The following RIN2 variants were observed in gnomAD, a reference collection of about 807,000 sequenced individuals.
RIN2 encodes the protein RAB5 interacting protein 2.
A neutral mutation model predicts 78.0 loss-of-function variants in RIN2; 36 were observed. The observed-to-expected ratio is 0.46, with a 90% CI of 0.35 to 0.61. The LOEUF (loss-of-function observed/expected upper bound fraction) is 0.61, where lower values mean the gene tolerates loss of function less well. Ranked by LOEUF, RIN2 falls within the 20% of genes least tolerant of loss-of-function variation. RIN2 has a pLI of 0.00. For missense variants in RIN2, 1,087 were observed against 1,159.7 expected (o/e 0.94, Z 0.91); for synonymous variants, 466 against 466.8 (o/e 1.00, Z 0.02).
intron 2 of RIN2, among the ~76,000 whole-genome samples, chr20:19,830,944 C>T (rs2036232931): frequency 1.3e-5 from 2 of 152,248 alleles, no homozygotes; most frequent in Non-Finnish European, 2.9e-5. Context: ...GAATCCTGAA[C>T]CTCATCTCCA....
At chr20:19,900,945 C>CAAAAAAA (rs869239642) in intron 3 of RIN2, among the ~76,000 whole-genome samples, 3 of 29,594 alleles carry the variant, frequency 1.0e-4, no homozygotes, top group Non-Finnish European at 1.7e-4. Context: ...AGCTCTGTCT[C>CAAAAAAA]AAAAAAAAAA....
At chr20:19,766,805 G>A (rs1006712199) in intron 1 of RIN2, among the ~76,000 whole-genome samples, 1 of 151,826 alleles carries the variant, frequency 6.6e-6, no homozygotes, top group African/African-American at 2.4e-5. Context: ...CCTGCTACTC[G>A]GGAGATTGAG....
chr20:20,000,552 C>T, intron 12 of RIN2, 61 bp from the exon 13 acceptor site: 2 of 1,343,382 alleles, frequency 1.5e-6, no homozygotes, highest in Non-Finnish European at 1.0e-6. Flanking sequence ...CCTGGTCCCC[C>T]ATCATGCTCA....
intron 3 of RIN2, among the ~76,000 whole-genome samples, chr20:19,931,387 C>T (rs2040433531): frequency 6.6e-6 from 1 of 152,132 alleles, no homozygotes. Flanking sequence ...GCAGTTCTCC[C>T]ACCTTGGCCT....
chr20:19,912,481 T>C (rs1285529604), intron 3 of RIN2, among the ~76,000 whole-genome samples: 11 of 142,870 alleles, frequency 7.7e-5, no homozygotes, highest in African/African-American at 2.1e-4. Context: ...TTTTCTTTTT[T>C]TTTTTTTTTT....
chr20:19,826,093 G>A (rs2036081110), intron 2 of RIN2, among the ~76,000 whole-genome samples: 1 of 143,664 alleles, frequency 7.0e-6, no homozygotes, highest in Non-Finnish European at 1.5e-5. Flanking sequence ...GCATTATTAT[G>A]GTTAATATTT....
At chr20:19,891,957 AG>A (rs746190728) in intron 3 of RIN2, among the ~76,000 whole-genome samples, 3 of 152,372 alleles carry the variant, frequency 2.0e-5, no homozygotes, top group Non-Finnish European at 4.4e-5. Flanking sequence ...TGCAGTTCTA[AG>A]AAAATCATAT....
intron 8 of RIN2, 77 bp from the exon 9 acceptor site, chr20:19,974,577 T>C (rs1200557173): frequency 1.2e-5 from 17 of 1,438,808 alleles, no homozygotes; most frequent in Non-Finnish European, 1.4e-5. Context: ...TCATGCAGTG[T>C]GCTTTTTTTA....
intron 3 of RIN2, among the ~76,000 whole-genome samples, chr20:19,900,963 A>AG (rs1016339564): frequency 6.6e-5 from 10 of 150,548 alleles, no homozygotes; most frequent in African/African-American, 9.8e-5. Flanking sequence ...AAAAAAAAAA[A>AG]AAAAAAAAAA....
chr20:19,864,662 A>G (rs917884885), intron 2 of RIN2, among the ~76,000 whole-genome samples: 1 of 152,236 alleles, frequency 6.6e-6, no homozygotes, highest in African/African-American at 2.4e-5. Flanking sequence ...AGGCATCAGC[A>G]GGTGGGTAAA....
chr20:19,996,641 T>C (rs762332767), intron 11 of RIN2, 38 bp from the exon 12 acceptor site: 6 of 1,610,830 alleles, frequency 3.7e-6, no homozygotes, highest in South Asian at 1.1e-5. Flanking sequence ...TGAGCGGAGG[T>C]TGGCACTGGG....
intron 8 of RIN2, among the ~76,000 whole-genome samples, chr20:19,972,498 C>T (rs757520335): frequency 6.6e-6 from 1 of 152,122 alleles, no homozygotes; most frequent in Non-Finnish European, 1.5e-5. Context: ...TTGTGATTCT[C>T]GATGTGCATA....
chr20:19,896,396 G>A (rs1424011666), intron 3 of RIN2, among the ~76,000 whole-genome samples: 1 of 152,150 alleles, frequency 6.6e-6, no homozygotes, highest in African/African-American at 2.4e-5. Context: ...CTCCACGTTG[G>A]CCAGGCTGGC....
In RIN2 at chr20:19,912,475, CTTTTTTTTTTTT is replaced by C. The variant is rs545323465; in HGVS notation, c.58-22615_58-22604del. On this transcript the variant is annotated intron_variant, in intron 3 of 12. Transcript: ENST00000255006. ...TCATTTCTTTTTTCTTTTTCTTTTT[CTTTTTTTTTTTT>C]TTTTTTTTGAGATGAAGTCTCACTC... Among the ~76,000 whole-genome samples the C allele has an allele frequency of 4.9e-3, 542 of 110,944 alleles. 4 individuals are homozygous for C. The highest frequency in any genetic ancestry group is 0.017 in the African/African-American group (479 of 28,228). The allele number at this position is 110,944 out of a possible 152,430, so 72.8% of individuals were successfully genotyped here. A position where few individuals can be genotyped will look rare whatever the true frequency, so the allele number is the denominator to read the frequency against.
rs144853420 is a variant in RIN2 at position 19,962,732 on chromosome 20, G to A, written c.463+1921G>A. ...AACATTCAGGGAGGCTGAGGTGGGC[G>A]GATCACTTGAGGCTAGGGGTTCGAG... On this transcript the variant is annotated intron_variant, in intron 6 of 12. Transcript: ENST00000255006. Among the ~76,000 whole-genome samples the A allele has an allele frequency of 4.1e-3, 624 of 152,284 alleles. 2 individuals carry two copies. Among genetic ancestry groups the A allele is most frequent in the African/African-American group, 0.012 (487 of 41,558 alleles).
rs10605325 is a variant in RIN2 at position 19,764,918 on chromosome 20, G to GTTTTTTTTTTTTTTTTTTTT, written c.-163+6597_-163+6616dup. Among the ~76,000 whole-genome samples the GTTTTTTTTTTTTTTTTTTTT allele has an allele frequency of 2.6e-4, 13 of 50,390 alleles. 2 individuals carry two copies. The highest frequency in any genetic ancestry group is 8.7e-4 in the East Asian group (1 of 1,146). 33.1% of individuals were successfully genotyped at this position (50,390 alleles called of 152,430 possible). A position where few individuals can be genotyped will look rare whatever the true frequency, so the allele number is the denominator to read the frequency against. Reference sequence around the variant, plus strand: ...GGGCAAGTCCCACTTCACTTTCTGCGTTTTTTTTTTTTTTTTTTTTTTTTT... The same window carrying GTTTTTTTTTTTTTTTTTTTT: ...GGGCAAGTCCCACTTCACTTTCTGCGTTTTTTTTTTTTTTTTTTTTTTTTTTTTTTTTTTTTTTTTTTTTT... On this transcript the variant is annotated intron_variant, in intron 1 of 12. Transcript: ENST00000255006.
Position 19,975,284 on chromosome 20 carries a change from C to G in RIN2, c.1259C>G (p.Pro420Arg), listed in dbSNP as rs771265400. The change falls in exon 9 of 13, where the codon CCC (proline) becomes CGC (arginine). Residue 420 changes from proline to arginine, a missense_variant. By Grantham distance (103) the Pro-to-Arg change is moderately radical (BLOSUM62 -2). Coordinates refer to ENST00000255006, the MANE Select transcript of RIN2 (RefSeq NM_018993.4). The surrounding 1 kb of genome is among the most constrained non-coding windows in gnomAD (Gnocchi z 4.9). ...RAPPPSSESR[P>R]PCHGGRQRLS... is the part of the protein sequence containing the mutation. ...CCGCCGCCCAGCTCTGAATCACGGCCCCCGTGCCATGGAGGCCGGCAGCGG... is the reference window on the plus strand; with the variant it reads ...CCGCCGCCCAGCTCTGAATCACGGCGCCCGTGCCATGGAGGCCGGCAGCGG... The G allele has an allele frequency of 1.9e-6, 3 of 1,599,650 alleles. No individual in the cohort carries two copies. The East Asian group carries it at 6.8e-5, about 36-fold the overall frequency.
chr20:19,816,349 A>G (rs1185251652), intron 2 of RIN2, among the ~76,000 whole-genome samples: 5 of 152,142 alleles, frequency 3.3e-5, no homozygotes, highest in Non-Finnish European at 5.9e-5. Context: ...CCTCCATTTG[A>G]TATCACCTAA....
At chr20:19,922,782 C>G (rs533919188) in intron 3 of RIN2, among the ~76,000 whole-genome samples, 2 of 152,312 alleles carry the variant, frequency 1.3e-5, no homozygotes, top group East Asian at 3.9e-4. Context: ...ACCAGTGTCC[C>G]CAGCAGATAC....
Sources: gnomAD v4.1 joint callset for allele counts (sites outside exome capture counted in the v4.1 genomes callset) on GRCh38, gnomAD v4.1.1 for gene constraint, Gnocchi (gnomAD v3.1) non-coding constraint, MANE v1.5 for transcripts, NCBI Gene and HGNC (gene_info 2026-07-23, HGNC 2026-07-21) for gene names.